AKAIN1: variants seen among roughly 807,000 people sequenced by gnomAD.
AKAIN1 encodes A-kinase anchor inhibitor 1, also known as A-kinase anchor protein inhibitor 1.
In AKAIN1, 3 loss-of-function variants were observed where a neutral mutation model predicts 3.7. That is an observed-to-expected ratio of 0.82 (90% CI 0.37 to 2.12). The LOEUF is 2.12. Among genes scored for constraint, AKAIN1 ranks in the 30% most tolerant of loss-of-function variants. The probability of loss-of-function intolerance (pLI) is 0.06; values close to 1 mark genes in which losing one functional copy is unlikely to be tolerated. For missense variants in AKAIN1, 82 were observed against 82.7 expected (o/e 0.99, Z 0.03); for synonymous variants, 31 against 30.8 (o/e 1.01, Z -0.02).
chr18:5,188,280 C>T (rs2071298735), intron 1 of AKAIN1, among the ~76,000 whole-genome samples: 1 of 152,010 alleles, frequency 6.6e-6, no homozygotes, highest in Non-Finnish European at 1.5e-5. Context: ...CCCTACAGTT[C>T]TGTGGTCTCA....
chr18:5,158,470 T>G (rs2071120664), intron 1 of AKAIN1, among the ~76,000 whole-genome samples: 1 of 152,228 alleles, frequency 6.6e-6, no homozygotes, highest in African/African-American at 2.4e-5. Flanking sequence ...TTCAAAATGT[T>G]ACACCCAGTT....
At chr18:5,150,463 CA>C (rs1260312914) in intron 1 of AKAIN1, among the ~76,000 whole-genome samples, 1 of 152,046 alleles carries the variant, frequency 6.6e-6, no homozygotes, top group Non-Finnish European at 1.5e-5. Context: ...TCATGTTTCA[CA>C]AAAAAATGAG....
At chr18:5,180,357 C>A (rs1438854515) in intron 1 of AKAIN1, among the ~76,000 whole-genome samples, 2 of 152,088 alleles carry the variant, frequency 1.3e-5, no homozygotes, top group Non-Finnish European at 2.9e-5. Flanking sequence ...CTGCTGTTTT[C>A]TCTTTTCCCA....
At chr18:5,178,933 T>C (rs754081682) in intron 1 of AKAIN1, among the ~76,000 whole-genome samples, 4 of 152,168 alleles carry the variant, frequency 2.6e-5, no homozygotes, top group Non-Finnish European at 5.9e-5. Context: ...TTCTGCCCCT[T>C]TAAAGGTATT....
chr18:5,193,400 G>A (rs571676078), intron 1 of AKAIN1, among the ~76,000 whole-genome samples: 5 of 152,148 alleles, frequency 3.3e-5, no homozygotes, highest in Admixed American at 6.5e-5. Context: ...ACTAATCCCT[G>A]AATTATATAT....
At chr18:5,193,791 C>T (rs887881655) in intron 1 of AKAIN1, among the ~76,000 whole-genome samples, 23 of 152,272 alleles carry the variant, frequency 1.5e-4, no homozygotes, top group African/African-American at 5.5e-4. Context: ...TACAGAACTC[C>T]TCCCAGAAAT....
chr18:5,197,305 C>A (rs2011693015), upstream of AKAIN1: 4 of 1,348,966 alleles, frequency 3.0e-6, no homozygotes, highest in South Asian at 7.3e-5. This position sits in a 1 kb window ranked among gnomAD's most constrained non-coding sequence, Gnocchi z 6.9. Context: ...CCGCTCAGTC[C>A]ATCCCTCATT....
In AKAIN1 at chr18:5,144,717, A is replaced by G. The variant is rs575452210; in HGVS notation, c.*845T>C. Among the ~76,000 whole-genome samples, 3 of 152,350 alleles carry G rather than the reference A, an allele frequency of 2.0e-5. No homozygotes were observed. On this transcript the variant is annotated 3_prime_UTR_variant, in exon 2 of 2. Transcript: ENST00000434239. ...ATCCCTTCCAAGGATGTTGCACCCC[A>G]TAATCAGCCCCAAGTGTAAGTCTCT...
chr18:5,186,755 T>G (rs144661709), intron 1 of AKAIN1, among the ~76,000 whole-genome samples: 1 of 152,180 alleles, frequency 6.6e-6, no homozygotes. Context: ...TTAAAGTGCA[T>G]GTAAAACATT....
intron 1 of AKAIN1, among the ~76,000 whole-genome samples, chr18:5,190,101 G>A (rs2071310669): frequency 6.6e-6 from 1 of 152,158 alleles, no homozygotes; most frequent in African/African-American, 2.4e-5. Flanking sequence ...GCAAGCATGT[G>A]AGACAGAGAG....
intron 1 of AKAIN1, among the ~76,000 whole-genome samples, chr18:5,182,801 C>T (rs1248160085): frequency 6.6e-6 from 1 of 152,022 alleles, no homozygotes; most frequent in African/African-American, 2.4e-5. Flanking sequence ...GCTGTCTATT[C>T]TTTTACTCTC....
intron 1 of AKAIN1, among the ~76,000 whole-genome samples, chr18:5,171,305 C>A (rs1045952893): frequency 1.3e-5 from 2 of 152,046 alleles, no homozygotes; most frequent in Non-Finnish European, 2.9e-5. Flanking sequence ...AAATACCCAA[C>A]AAGCACAGAC....
intron 1 of AKAIN1, among the ~76,000 whole-genome samples, chr18:5,168,446 A>G (rs2071178823): frequency 6.6e-6 from 1 of 152,122 alleles, no homozygotes; most frequent in Admixed American, 6.6e-5. Flanking sequence ...CAGAAAAGCT[A>G]AACACCTTTT....
At chr18:5,169,961 A>T (rs2071188415) in intron 1 of AKAIN1, among the ~76,000 whole-genome samples, 2 of 152,292 alleles carry the variant, frequency 1.3e-5, no homozygotes, top group Non-Finnish European at 2.9e-5. Flanking sequence ...AGTTTTAATA[A>T]CTATAACCAT....
rs118160852 is a variant in AKAIN1 at position 5,149,442 on chromosome 18, G to C, written c.17-3687C>G. Among the ~76,000 whole-genome samples the C allele has an allele frequency of 2.0e-3, 312 of 152,268 alleles. 1 individual carries two copies. The highest frequency in any genetic ancestry group is 3.8e-3 in the Non-Finnish European group (261 of 68,016). On this transcript the variant is annotated intron_variant, in intron 1 of 1. Coordinates refer to ENST00000434239, the MANE Select transcript of AKAIN1 (RefSeq NM_001145194.2). ...ACAAATGTCGTAGCCAAGTGTCCAG[G>C]AACCGTTCAGCTGAGCTTCATATTA...
intron 1 of AKAIN1, among the ~76,000 whole-genome samples, chr18:5,171,889 C>T (rs114767154): frequency 6.6e-6 from 1 of 152,234 alleles, no homozygotes; most frequent in East Asian, 1.9e-4. Context: ...TACCTGCACT[C>T]CCATGTTTAT....
intron 1 of AKAIN1, among the ~76,000 whole-genome samples, chr18:5,185,525 A>C (rs1732242956): frequency 6.6e-6 from 1 of 152,200 alleles, no homozygotes; most frequent in African/African-American, 2.4e-5. Context: ...CCCCATTAAA[A>C]AGTGGGCAAA....
chr18:5,163,763 A>G (rs910558886), intron 1 of AKAIN1: 1 of 152,050 alleles, frequency 6.6e-6, no homozygotes, highest in Non-Finnish European at 1.5e-5. Flanking sequence ...AAAAAATCAG[A>G]AGATACACTT....
intron 1 of AKAIN1, among the ~76,000 whole-genome samples, chr18:5,174,321 G>C (rs760936748): frequency 5.3e-5 from 8 of 152,132 alleles, no homozygotes; most frequent in Non-Finnish European, 8.8e-5. Flanking sequence ...GGACCACTCA[G>C]CTAGGAGCAG....
Sources: gnomAD v4.1 joint callset for allele counts (sites outside exome capture counted in the v4.1 genomes callset) on GRCh38, gnomAD v4.1.1 for gene constraint, Gnocchi (gnomAD v3.1) non-coding constraint, MANE v1.5 for transcripts, NCBI Gene and HGNC (gene_info 2026-07-23, HGNC 2026-07-21) for gene names.